Variants in SUGCT observed in about 807,000 individuals in gnomAD.
SUGCT encodes the protein succinyl-CoA:glutarate-CoA transferase, also known as succinyl-CoA:glutarate CoA-transferase.
SUGCT carries 41 observed loss-of-function variants against 55.0 expected under a neutral mutation model. The ratio of observed to expected loss-of-function variants is 0.74; its 90% CI spans 0.58 to 0.97. The LOEUF (loss-of-function observed/expected upper bound fraction) is 0.97, where lower values mean the gene tolerates loss of function less well. SUGCT is among the 50% of genes least tolerant of loss of function. The probability of loss-of-function intolerance (pLI) is 0.00; values close to 1 mark genes in which losing one functional copy is unlikely to be tolerated. For missense variants in SUGCT, 568 were observed against 547.8 expected, an observed-to-expected ratio of 1.04 and a Z score of -0.37; for synonymous variants, 187 against 200.4, an observed-to-expected ratio of 0.93 and a Z score of 0.56.
intron 1 of SUGCT, among the ~76,000 whole-genome samples, chr7:40,158,058 T>A (rs181179896): frequency 1.3e-5 from 2 of 152,020 alleles, no homozygotes; most frequent in Admixed American, 1.3e-4. Flanking sequence ...AATACAAAAA[T>A]TAGCCAGGTA....
intron 12 of SUGCT, among the ~76,000 whole-genome samples, chr7:40,628,727 CTGTGTGTG>C (rs111460243): frequency 1.6e-4 from 23 of 147,526 alleles, no homozygotes; most frequent in African/African-American, 5.0e-4. Context: ...GTGTTTTGTT[CTGTGTGTG>C]TGTGTGTGTG....
chr7:40,915,387 A>G, the SUGCT span, among the ~76,000 whole-genome samples: 426 of 152,304 alleles, frequency 2.8e-3, 7 homozygotes, highest in East Asian at 0.024. Flanking sequence ...AAACTAGGTA[A>G]GACCTCAAAT....
At chr7:40,389,470 C>G (rs1013764134) in intron 9 of SUGCT, among the ~76,000 whole-genome samples, 3 of 37,138 alleles carry the variant, frequency 8.1e-5, no homozygotes, top group Non-Finnish European at 1.9e-4. Flanking sequence ...AACAAACAAA[C>G]AAGCAAAAAG....
intron 12 of SUGCT, among the ~76,000 whole-genome samples, chr7:40,748,634 ATAAAT>A (rs1010346277): frequency 2.6e-5 from 4 of 151,726 alleles, no homozygotes; most frequent in Admixed American, 1.3e-4. Flanking sequence ...TGTCTTTGAA[ATAAAT>A]TAATTTAATA....
chr7:40,466,514 A>T (rs752610650), intron 11 of SUGCT, among the ~76,000 whole-genome samples: 1 of 152,258 alleles, frequency 6.6e-6, no homozygotes, highest in Non-Finnish European at 1.5e-5. Flanking sequence ...CTCAACTTTC[A>T]TCAGTCATTT....
chr7:40,801,027 A>G (rs1790789122), intron 13 of SUGCT, among the ~76,000 whole-genome samples: 1 of 152,190 alleles, frequency 6.6e-6, no homozygotes, highest in East Asian at 1.9e-4. Flanking sequence ...GATCTCAAGC[A>G]GTCATGCAAT....
chr7:40,910,759 A>G, the SUGCT span, among the ~76,000 whole-genome samples: 2 of 152,218 alleles, frequency 1.3e-5, no homozygotes, highest in Non-Finnish European at 2.9e-5. Context: ...CACACTTACT[A>G]TACCTCTCTA....
At chr7:40,920,573 A>G in the SUGCT span, among the ~76,000 whole-genome samples, 4 of 152,282 alleles carry the variant, frequency 2.6e-5, no homozygotes, top group East Asian at 7.7e-4. Flanking sequence ...AGAGCCTCAG[A>G]CATGAATTGG....
chr7:40,337,135 C>G (rs1796757787), intron 9 of SUGCT, among the ~76,000 whole-genome samples: 2 of 152,140 alleles, frequency 1.3e-5, no homozygotes, highest in Admixed American at 6.5e-5. Context: ...AATTTCTGTT[C>G]TTTTACATTT....
chr7:40,365,566 C>G (rs1033893299), intron 9 of SUGCT, among the ~76,000 whole-genome samples: 1 of 152,100 alleles, frequency 6.6e-6, no homozygotes, highest in African/African-American at 2.4e-5. Context: ...TCAGCAAAGT[C>G]TCAGGATACA....
At chr7:40,264,727 A>G (rs1251647955) in intron 7 of SUGCT, among the ~76,000 whole-genome samples, 1 of 152,130 alleles carries the variant, frequency 6.6e-6, no homozygotes, top group Non-Finnish European at 1.5e-5. Flanking sequence ...AATTTATTTC[A>G]TTTTTTACTC....
At chr7:40,253,273 A>G (rs536397526) in intron 7 of SUGCT, among the ~76,000 whole-genome samples, 1 of 152,314 alleles carries the variant, frequency 6.6e-6, no homozygotes, top group Admixed American at 6.5e-5. Flanking sequence ...GATTTAGTGT[A>G]CTACTAATTG....
intron 12 of SUGCT, among the ~76,000 whole-genome samples, chr7:40,710,280 C>G (rs138899422): frequency 6.6e-6 from 1 of 152,188 alleles, no homozygotes; most frequent in African/African-American, 2.4e-5. Flanking sequence ...AGAGGAGATA[C>G]ATTTCTACAG....
At chr7:40,526,290 TA>T (rs1294595352) in intron 12 of SUGCT, among the ~76,000 whole-genome samples, 1 of 152,100 alleles carries the variant, frequency 6.6e-6, no homozygotes. Flanking sequence ...AAGGATTAAG[TA>T]GGAGAATATA....
the SUGCT span, among the ~76,000 whole-genome samples, chr7:40,950,296 A>C: frequency 3.3e-5 from 5 of 152,110 alleles, no homozygotes; most frequent in African/African-American, 1.2e-4. Context: ...TGATTTTTGC[A>C]CATTGATTTT....
chr7:40,352,896 C>T (rs917185441), intron 9 of SUGCT, among the ~76,000 whole-genome samples: 7 of 152,158 alleles, frequency 4.6e-5, no homozygotes, highest in African/African-American at 1.7e-4. Context: ...TTCTCATCAA[C>T]AGTATAAGTG....
intron 6 of SUGCT, among the ~76,000 whole-genome samples, chr7:40,226,861 T>G (rs1477481896): frequency 4.0e-5 from 6 of 151,856 alleles, no homozygotes; most frequent in Non-Finnish European, 8.8e-5. Flanking sequence ...TGAGCTGAGG[T>G]CCTGCCATTG....
chr7:40,921,438 G>C, the SUGCT span, among the ~76,000 whole-genome samples: 1 of 152,192 alleles, frequency 6.6e-6, no homozygotes, highest in Non-Finnish European at 1.5e-5. Context: ...CATGGAGGTA[G>C]AGAGAGGCTG....
chr7:41,026,814 A>G, the SUGCT span, among the ~76,000 whole-genome samples: 1 of 152,150 alleles, frequency 6.6e-6, no homozygotes, highest in Non-Finnish European at 1.5e-5. Flanking sequence ...CAGGTAGATC[A>G]TGAGGTCAGG....
Sources: gnomAD v4.1 joint callset for allele counts (sites outside exome capture counted in the v4.1 genomes callset) on GRCh38, gnomAD v4.1.1 for gene constraint, MANE v1.5 for transcripts, NCBI Gene and HGNC (gene_info 2026-07-23, HGNC 2026-07-21) for gene names.